LETMD1: variants seen among roughly 807,000 people sequenced by gnomAD.
LETMD1 encodes the protein LETM1 domain containing 1, also known as LETM1 domain-containing protein 1.
In LETMD1, 30 loss-of-function variants were observed where a neutral mutation model predicts 43.9. That is an observed-to-expected ratio of 0.68 (90% CI 0.51 to 0.93). The LOEUF (loss-of-function observed/expected upper bound fraction) is 0.93, where lower values mean the gene tolerates loss of function less well. Among genes scored for constraint, LETMD1 ranks in the 40% least tolerant of loss-of-function variants. The pLI, the probability that LETMD1 is intolerant of heterozygous loss-of-function variation, is 0.00. For synonymous variants in LETMD1, 176 were observed against 163.1 expected (o/e 1.08, Z -0.60); for missense variants, 413 against 447.7 (o/e 0.92, Z 0.70).
At chr12:51,049,855 A>G (rs1424788110) in intron 2 of LETMD1, among the ~76,000 whole-genome samples, 1 of 152,174 alleles carries the variant, frequency 6.6e-6, no homozygotes, top group Non-Finnish European at 1.5e-5. Flanking sequence ...GATACATGTA[A>G]AGTACCTAGA....
At chr12:51,060,692 G>A (rs933616940), downstream of LETMD1, among the ~76,000 whole-genome samples, 1 of 152,110 alleles carries the variant, frequency 6.6e-6, no homozygotes, top group Admixed American at 6.5e-5. Flanking sequence ...CACAAGGTCA[G>A]GAGATCAAGA....
rs773943806 is a variant in LETMD1 at position 51,056,421 on chromosome 12, T to C, written c.834T>C (p.Thr278=). The C allele has an allele frequency of 1.6e-5, 26 of 1,614,086 alleles. No homozygotes were observed. The highest frequency in any genetic ancestry group is 2.1e-5 in the Non-Finnish European group (25 of 1,180,044). ...CCTTGTTGAGACATCGTTTGAAGACTCATACAACTGTGATTCACCAACTGG... is the reference window on the plus strand; with the variant it reads ...CCTTGTTGAGACATCGTTTGAAGACCCATACAACTGTGATTCACCAACTGG... ...PPPLLRHRLK[T]HTTVIHQLDK... is the part of the protein sequence containing the mutation. The change falls in exon 7 of 9, where the codon ACT becomes ACC. Residue 278 remains threonine, a synonymous_variant. Coordinates refer to ENST00000262055, the MANE Select transcript of LETMD1 (RefSeq NM_015416.5).
Position 51,059,381 on chromosome 12 carries a change from C to A in LETMD1, c.1033C>A (p.Leu345Met). The A allele has an allele frequency of 2.5e-6, 4 of 1,614,204 alleles. No individual in the cohort carries two copies. Among genetic ancestry groups the A allele is most frequent in the Non-Finnish European group, 3.4e-6 (4 of 1,180,004 alleles). The change falls in exon 9 of 9, where the codon CTG becomes ATG. Residue 345 changes from leucine (L) to methionine (M), a missense_variant. By Grantham distance (15) the Leu-to-Met change is conservative. Coordinates refer to ENST00000262055, the MANE Select transcript of LETMD1 (RefSeq NM_015416.5). Reference protein sequence around the residue: ...SLKEAELSLLLHNVVLLSTNY... With the variant: ...SLKEAELSLLMHNVVLLSTNY... ...TTCAGAAGCTGAGCTGTCTCTCTTG[C>A]TGCACAACGTGGTCCTGCTCTCCAC...
intron 4 of LETMD1, among the ~76,000 whole-genome samples, chr12:51,055,109 AC>A (rs1566119093): frequency 2.0e-5 from 3 of 152,038 alleles, no homozygotes; most frequent in African/African-American, 7.2e-5. Flanking sequence ...CAAAAAAAAA[AC>A]AACAAATCAG....
In LETMD1 at chr12:51,057,994, A is replaced by G. The variant is rs770813621; in HGVS notation, c.916-38A>G. ...TCCATTTCCTTGGCATAATCATTCT[A>G]TGATTATTAAGGACCATTTCTGTTC... On this transcript the variant is annotated intron_variant, in intron 7 of 8. Transcript: ENST00000262055. 1.2e-5 allele frequency: 15 copies of G among 1,221,232 alleles called. 1 individual carries two copies. In the Admixed American group the frequency reaches 2.0e-4, roughly 16 times the overall value. 75.6% of individuals were successfully genotyped at this position (1,221,232 alleles called of 1,614,324 possible). A position where few individuals can be genotyped will look rare whatever the true frequency, so the allele number is the denominator to read the frequency against.
At chr12:51,063,871 AG>A, downstream of LETMD1, 1 of 1,614,128 alleles carries the variant, frequency 6.2e-7, no homozygotes, top group Non-Finnish European at 8.5e-7. Context: ...GAGGGGGACC[AG>A]GAAGGGTGGA....
Position 51,053,938 on chromosome 12 carries a change from C to T in LETMD1, c.473+78C>T, listed in dbSNP as rs1946895593. On this transcript the variant is annotated intron_variant, in intron 4 of 8. Coordinates refer to ENST00000262055, the MANE Select transcript of LETMD1 (RefSeq NM_015416.5). The stretch of plus-strand genomic sequence containing the variant: ...AAATTAAGAATTACTTTAAACAGCA[C>T]TCATTTCAGAAGATAGGCAGAGGTT... 7 of 928,892 alleles carry T rather than the reference C, an allele frequency of 7.5e-6. No homozygotes were observed. In the South Asian group the frequency reaches 9.2e-5, roughly 12 times the overall value. The allele number at this position is 928,892 out of a possible 1,614,324, so 57.5% of individuals were successfully genotyped here.
chr12:51,065,534 C>T, the LETMD1 span, among the ~76,000 whole-genome samples: 2 of 152,034 alleles, frequency 1.3e-5, no homozygotes, highest in African/African-American at 2.4e-5. Context: ...CTTGCTCTGT[C>T]GTCCAGGCTG....
chr12:51,062,102 T>C (rs970042345), downstream of LETMD1: 13 of 152,210 alleles, frequency 8.5e-5, no homozygotes, highest in African/African-American at 3.1e-4. Flanking sequence ...TAAAAAATGT[T>C]ATGTGTATTA....
the LETMD1 span, among the ~76,000 whole-genome samples, chr12:51,067,392 C>T: frequency 3.3e-5 from 5 of 152,170 alleles, no homozygotes; most frequent in East Asian, 3.9e-4. This position sits in a 1 kb window ranked among gnomAD's most constrained non-coding sequence, Gnocchi z 4.1. Flanking sequence ...CCCAGGCTGG[C>T]GTGCACTGGT....
Position 51,048,463 on chromosome 12 carries a change from C to T in LETMD1, c.107C>T (p.Ala36Val). 6.2e-7 allele frequency: 1 copy of T among 1,613,798 alleles called. No individual in the cohort carries two copies. The highest frequency in any genetic ancestry group is 8.5e-7 in the Non-Finnish European group (1 of 1,180,028). The change falls in exon 1 of 9, where the codon GCT becomes GTT. Residue 36 changes from alanine to valine, a missense_variant. Ala to Val is a moderately conservative substitution (Grantham distance 64, BLOSUM62 0). Transcript: ENST00000262055. ...CTGCAACTTGGTCGCTCTGGCCTGG[C>T]TTGGGGGGCCCCTCGGTGAGGGACC... The part of the protein sequence containing the change: ...RRLQLGRSGL[A>V]WGAPRSSKLH...
downstream of LETMD1, chr12:51,064,510 G>A (rs537309458): frequency 3.4e-5 from 55 of 1,612,350 alleles, no homozygotes; most frequent in Non-Finnish European, 4.6e-5. Flanking sequence ...TCCTCATCTG[G>A]GGCTGCTGGG....
chr12:51,058,958 A>G, intron 8 of LETMD1: 1 of 222,234 alleles, frequency 4.5e-6, no homozygotes, highest in Non-Finnish European at 9.1e-6. Context: ...ATCTGAGGGT[A>G]TGTATTAGGC....
chr12:51,064,078 G>C (rs761641359), downstream of LETMD1: 1 of 1,614,208 alleles, frequency 6.2e-7, no homozygotes, highest in South Asian at 1.1e-5. Context: ...TCCGTACCAG[G>C]CTCTCCTTTC....
At chr12:51,057,188 A>G (rs1257266748) in intron 7 of LETMD1, among the ~76,000 whole-genome samples, 2 of 152,148 alleles carry the variant, frequency 1.3e-5, no homozygotes, top group African/African-American at 4.8e-5. Context: ...GTGAGCCAAG[A>G]TCGCACCACT....
intron 5 of LETMD1, 25 bp from the exon 6 acceptor site, chr12:51,056,119 C>G (rs759450178): frequency 6.2e-6 from 10 of 1,611,278 alleles, no homozygotes; most frequent in Non-Finnish European, 8.5e-6. Flanking sequence ...TTCCTAACAT[C>G]TACAAATCTC....
chr12:51,054,361 GGGCA>G (rs1947020013), intron 4 of LETMD1, among the ~76,000 whole-genome samples: 3 of 152,144 alleles, frequency 2.0e-5, no homozygotes, highest in Non-Finnish European at 4.4e-5. Flanking sequence ...TCAAGAATTA[GGGCA>G]GTGCTCAGGT....
At chr12:51,061,531 G>GAGA (rs1250094339), downstream of LETMD1, 7 of 152,662 alleles carry the variant, frequency 4.6e-5, no homozygotes, top group Non-Finnish European at 7.3e-5. Context: ...CTAGGTTGTA[G>GAGA]AGAAGGCCTT....
At chr12:51,068,338 G>T in the LETMD1 span, among the ~76,000 whole-genome samples, 1 of 152,062 alleles carries the variant, frequency 6.6e-6, no homozygotes, top group South Asian at 2.1e-4. Flanking sequence ...TTTCAGTAAA[G>T]ACAGGGTTTC....
Sources: allele counts gnomAD v4.1 joint callset (sites outside exome capture counted in the v4.1 genomes callset), GRCh38; gene constraint gnomAD v4.1.1; non-coding constraint Gnocchi (gnomAD v3.1); transcripts MANE v1.5; gene names NCBI Gene and HGNC (gene_info 2026-07-23, HGNC 2026-07-21).